Variants in PPFIA2 observed in about 807,000 individuals in gnomAD.
The protein encoded by PPFIA2 is PPFI scaffold protein A2, also known as liprin-alpha-2.
A neutral mutation model predicts 175.5 loss-of-function variants in PPFIA2; 46 were observed. The observed-to-expected ratio is 0.26, with a 90% CI of 0.21 to 0.34. The LOEUF (loss-of-function observed/expected upper bound fraction) is 0.34. Among genes scored for constraint, PPFIA2 ranks in the 10% least tolerant of loss-of-function variants. The pLI, the probability that PPFIA2 is intolerant of heterozygous loss-of-function variation, is 1.00. For synonymous variants in PPFIA2, 568 were observed against 511.4 expected (o/e 1.11, Z -1.49); for missense variants, 1,179 against 1,506.1 (o/e 0.78, Z 3.60).
intron 4 of PPFIA2, among the ~76,000 whole-genome samples, chr12:81,549,157 G>A (rs935344603): frequency 4.6e-5 from 7 of 151,954 alleles, no homozygotes; most frequent in Non-Finnish European, 1.0e-4. Flanking sequence ...TGGGAAGAGC[G>A]TTGGCATGTA....
At chr12:81,360,617 C>G (rs2061455862) in intron 15 of PPFIA2, among the ~76,000 whole-genome samples, 1 of 151,652 alleles carries the variant, frequency 6.6e-6, no homozygotes, top group Non-Finnish European at 1.5e-5. Context: ...CTTAGCTTAT[C>G]TCTCCTCACC....
intron 4 of PPFIA2, among the ~76,000 whole-genome samples, chr12:81,477,929 G>T (rs2057692531): frequency 6.6e-6 from 1 of 151,834 alleles, no homozygotes; most frequent in African/African-American, 2.4e-5. Flanking sequence ...CTCATAAAAT[G>T]AGTTAGGGAG....
At chr12:81,295,343 T>A (rs1278126587) in intron 23 of PPFIA2, among the ~76,000 whole-genome samples, 1 of 152,178 alleles carries the variant, frequency 6.6e-6, no homozygotes, top group Non-Finnish European at 1.5e-5. Context: ...TTCCCCTTTG[T>A]ATGTAGGGAC....
chr12:81,697,578 A>T (rs532679539), intron 3 of PPFIA2, among the ~76,000 whole-genome samples: 1 of 152,274 alleles, frequency 6.6e-6, no homozygotes, highest in South Asian at 2.1e-4. Context: ...GAGCAAGACA[A>T]TTCAAATTCT....
chr12:81,520,590 A>G (rs955333257), intron 4 of PPFIA2, among the ~76,000 whole-genome samples: 1 of 152,096 alleles, frequency 6.6e-6, no homozygotes, highest in African/African-American at 2.4e-5. Context: ...GACATATATT[A>G]CTTGTCACCT....
At chr12:81,522,654 C>A (rs929623136) in intron 4 of PPFIA2, among the ~76,000 whole-genome samples, 1 of 152,188 alleles carries the variant, frequency 6.6e-6, no homozygotes, top group South Asian at 2.1e-4. Flanking sequence ...TTTTGTGCTT[C>A]ATTTCACCAA....
intron 6 of PPFIA2, among the ~76,000 whole-genome samples, chr12:81,443,248 G>A (rs980719241): frequency 1.3e-5 from 2 of 151,916 alleles, no homozygotes; most frequent in African/African-American, 4.8e-5. Flanking sequence ...CTTAATTCAA[G>A]ATAAGAGGTA....
intron 22 of PPFIA2, among the ~76,000 whole-genome samples, chr12:81,308,089 A>C (rs958827148): frequency 6.6e-6 from 1 of 152,230 alleles, no homozygotes; most frequent in African/African-American, 2.4e-5. Context: ...TTTAAAATGT[A>C]ATCTAAATAT....
chr12:81,741,404 C>T (rs1017817455), intron 3 of PPFIA2, among the ~76,000 whole-genome samples: 1 of 151,912 alleles, frequency 6.6e-6, no homozygotes, highest in Non-Finnish European at 1.5e-5. Context: ...ATGTACACAA[C>T]AAGAAAAAGA....
At chr12:81,673,573 T>C (rs990606535) in intron 4 of PPFIA2, among the ~76,000 whole-genome samples, 1 of 152,072 alleles carries the variant, frequency 6.6e-6, no homozygotes, top group Non-Finnish European at 1.5e-5. Context: ...ATATAAATTC[T>C]ATGCTCTTAT....
Position 81,358,225 on chromosome 12 carries a change from A to G in PPFIA2, c.1638-8T>C. ...GAGGTGTCTAGATGAGTTCTGGAAA[A>G]AAGGAAAAATATAAAATAATCCAAT... is the stretch of plus-strand genomic sequence containing the variant. On this transcript the variant is annotated splice_region_variant and splice_polypyrimidine_tract_variant and intron_variant, in intron 15 of 32. Coordinates refer to ENST00000549396, the MANE Select transcript of PPFIA2 (RefSeq NM_003625.5). 6 of 1,562,412 alleles carry G rather than the reference A, an allele frequency of 3.8e-6. No homozygotes were observed. The highest frequency in any genetic ancestry group is 5.2e-6 in the Non-Finnish European group (6 of 1,154,094).
At chr12:81,608,206 T>C (rs550933942) in intron 4 of PPFIA2, among the ~76,000 whole-genome samples, 8 of 152,232 alleles carry the variant, frequency 5.3e-5, no homozygotes, top group African/African-American at 1.9e-4. Context: ...TAGTATTCTG[T>C]TGAGGATTTT....
intron 4 of PPFIA2, among the ~76,000 whole-genome samples, chr12:81,532,416 A>G (rs2064714285): frequency 6.6e-6 from 1 of 151,802 alleles, no homozygotes; most frequent in Non-Finnish European, 1.5e-5. Context: ...AGTTGCCATG[A>G]GGTCAAGTAG....
chr12:81,622,448 G>T (rs2153482466), intron 4 of PPFIA2, among the ~76,000 whole-genome samples: 1 of 152,088 alleles, frequency 6.6e-6, no homozygotes, highest in East Asian at 1.9e-4. Context: ...GCATAAGAAT[G>T]AATTTTCAAT....
At chr12:81,456,616 T>C (rs1479641224) in intron 5 of PPFIA2, among the ~76,000 whole-genome samples, 1 of 152,230 alleles carries the variant, frequency 6.6e-6, no homozygotes, top group African/African-American at 2.4e-5. Context: ...AAACTATTTT[T>C]CACCAACTTC....
At chr12:81,581,997 C>A (rs997349161) in intron 4 of PPFIA2, among the ~76,000 whole-genome samples, 1 of 151,860 alleles carries the variant, frequency 6.6e-6, no homozygotes, top group Non-Finnish European at 1.5e-5. Flanking sequence ...TGCATATTAA[C>A]GTTTCAAGTT....
intron 4 of PPFIA2, among the ~76,000 whole-genome samples, chr12:81,674,108 T>C (rs181330415): frequency 6.6e-6 from 1 of 152,120 alleles, no homozygotes; most frequent in East Asian, 1.9e-4. Flanking sequence ...TTCTAATGCT[T>C]CAGAAATAAC....
At chr12:81,641,437 G>C (rs182147434) in intron 4 of PPFIA2, among the ~76,000 whole-genome samples, 263 of 152,168 alleles carry the variant, frequency 1.7e-3, no homozygotes, top group African/African-American at 5.9e-3. Flanking sequence ...CGCACACCTT[G>C]AATCTAACCT....
intron 4 of PPFIA2, among the ~76,000 whole-genome samples, chr12:81,564,793 T>A (rs1438314638): frequency 2.0e-5 from 3 of 152,160 alleles, no homozygotes; most frequent in East Asian, 3.9e-4. Flanking sequence ...TACTCAGGGA[T>A]GCTAACTCCC....
Sources: allele counts gnomAD v4.1 joint callset (sites outside exome capture counted in the v4.1 genomes callset), GRCh38; gene constraint gnomAD v4.1.1; transcripts MANE v1.5; gene names NCBI Gene and HGNC (gene_info 2026-07-23, HGNC 2026-07-21).